SPIRE1: variants seen among roughly 807,000 people sequenced by gnomAD.
SPIRE1 encodes spire type actin nucleation factor 1.
SPIRE1 carries 40 observed loss-of-function variants against 94.1 expected under a neutral mutation model. The ratio of observed to expected loss-of-function variants is 0.43; its 90% confidence interval spans 0.33 to 0.55. The LOEUF is 0.55. SPIRE1 is among the 20% of genes least tolerant of loss of function. The pLI is 0.06. For missense variants in SPIRE1, 838 were observed against 975.2 expected, an observed-to-expected ratio of 0.86 and a Z score of 1.87; for synonymous variants, 376 against 371.7, an observed-to-expected ratio of 1.01 and a Z score of -0.13.
chr18:12,566,031 CAAACAAAA>C (rs1350036486), intron 2 of SPIRE1, among the ~76,000 whole-genome samples: 5 of 145,716 alleles, frequency 3.4e-5, no homozygotes, highest in African/African-American at 1.3e-4. Flanking sequence ...AACAAACAAA[CAAACAAAA>C]AAAAAAATTC....
chr18:12,527,716 A>G (rs889202072), intron 4 of SPIRE1, among the ~76,000 whole-genome samples: 4 of 152,094 alleles, frequency 2.6e-5, no homozygotes, highest in African/African-American at 4.8e-5. Context: ...CTGGCTCCTG[A>G]TAACTCCATA....
At chr18:12,490,610 C>A (rs565490024) in intron 8 of SPIRE1, among the ~76,000 whole-genome samples, 1 of 152,130 alleles carries the variant, frequency 6.6e-6, no homozygotes, top group Admixed American at 6.5e-5. Flanking sequence ...GGGATTCATC[C>A]CTGGGATGCA....
chr18:12,583,648 G>A (rs2036314889), intron 2 of SPIRE1, among the ~76,000 whole-genome samples: 1 of 151,818 alleles, frequency 6.6e-6, no homozygotes, highest in Admixed American at 6.6e-5. Context: ...AAAAGGCCAG[G>A]CCAGGTAGCT....
intron 10 of SPIRE1, among the ~76,000 whole-genome samples, chr18:12,472,955 G>A (rs574933556): frequency 6.6e-6 from 1 of 152,156 alleles, no homozygotes; most frequent in South Asian, 2.1e-4. Flanking sequence ...ACAAAGCCTG[G>A]CTATTTTTTT....
At chr18:12,463,929 C>T (rs901315148) in intron 11 of SPIRE1, among the ~76,000 whole-genome samples, 1 of 152,150 alleles carries the variant, frequency 6.6e-6, no homozygotes, top group African/African-American at 2.4e-5. Context: ...CCTTCTCTGC[C>T]TAGTAATATT....
At chr18:12,453,450 A>G (rs897908725) in intron 13 of SPIRE1, among the ~76,000 whole-genome samples, 1 of 58,146 alleles carries the variant, frequency 1.7e-5, no homozygotes, top group Non-Finnish European at 3.7e-5. Flanking sequence ...TTTTTTTTTT[A>G]TGAGATGGAG....
chr18:12,474,839 C>T (rs1302464879), intron 10 of SPIRE1, among the ~76,000 whole-genome samples: 1 of 152,054 alleles, frequency 6.6e-6, no homozygotes, highest in Non-Finnish European at 1.5e-5. Context: ...CCCAAAAAAC[C>T]ATGTTTGGAA....
chr18:12,548,456 C>T (rs919667035), intron 2 of SPIRE1, among the ~76,000 whole-genome samples: 3 of 152,182 alleles, frequency 2.0e-5, no homozygotes, highest in Non-Finnish European at 4.4e-5. Flanking sequence ...ATTTTCTCAA[C>T]ACTAGCATTC....
chr18:12,545,241 T>TTA (rs1239003698), intron 3 of SPIRE1, among the ~76,000 whole-genome samples: 1 of 152,218 alleles, frequency 6.6e-6, no homozygotes, highest in Non-Finnish European at 1.5e-5. Context: ...GTTTGTGTAT[T>TTA]TATATATATG....
chr18:12,563,371 C>A (rs2035740819), intron 2 of SPIRE1, among the ~76,000 whole-genome samples: 1 of 151,756 alleles, frequency 6.6e-6, no homozygotes, highest in Non-Finnish European at 1.5e-5. Context: ...AGTGCATTGG[C>A]CCTTCATAGG....
chr18:12,598,821 G>A (rs2036752497), intron 2 of SPIRE1, among the ~76,000 whole-genome samples: 1 of 152,162 alleles, frequency 6.6e-6, no homozygotes, highest in Non-Finnish European at 1.5e-5. Flanking sequence ...TCTAAATAAA[G>A]CCAACTCTGA....
intron 6 of SPIRE1, among the ~76,000 whole-genome samples, chr18:12,496,462 A>G (rs2033460852): frequency 6.6e-6 from 1 of 152,194 alleles, no homozygotes; most frequent in African/African-American, 2.4e-5. Context: ...GGCCGGGAGC[A>G]GTGGCTCACG....
At chr18:12,474,092 G>C (rs141026887) in intron 10 of SPIRE1, among the ~76,000 whole-genome samples, 142 of 152,342 alleles carry the variant, frequency 9.3e-4, no homozygotes, top group African/African-American at 3.3e-3. Flanking sequence ...TTGCTAGAAT[G>C]AGTCCTGATA....
chr18:12,552,282 GTACATGACC>G (rs1450676881), intron 2 of SPIRE1, among the ~76,000 whole-genome samples: 1 of 152,166 alleles, frequency 6.6e-6, no homozygotes, highest in Non-Finnish European at 1.5e-5. Context: ...GACTTGTGGG[GTACATGACC>G]TACTGAGACA....
Position 12,463,377 on chromosome 18 carries a change from GCGGCAGGAACTGCCTCACGTTAGT to G in SPIRE1, c.1588_1611del (p.Thr530_Pro537del). The G allele has an allele frequency of 6.2e-7, 1 of 1,613,680 alleles. No individual in the cohort carries two copies. The highest frequency in any genetic ancestry group is 8.5e-7 in the Non-Finnish European group (1 of 1,179,768). Reference sequence around the variant, plus strand: ...AGAGAGCGGGAACTCTGCCTGGAAGGCGGCAGGAACTGCCTCACGTTAGTAGGCGTTTCCTTTTCAATGGAATGT... The same window carrying G: ...AGAGAGCGGGAACTCTGCCTGGAAGGAGGCGTTTCCTTTTCAATGGAATGT... On this transcript the variant is annotated inframe_deletion, in exon 12 of 17. Coordinates refer to ENST00000409402, the MANE Select transcript of SPIRE1 (RefSeq NM_001128626.2).
At chr18:12,657,191 G>A (rs1012790802) in intron 1 of SPIRE1, among the ~76,000 whole-genome samples, 1 of 152,216 alleles carries the variant, frequency 6.6e-6, no homozygotes, top group Non-Finnish European at 1.5e-5. Context: ...GCCCGGAGCA[G>A]GGCCCAGCCC....
At chr18:12,456,794 A>G (rs1443234105) in intron 12 of SPIRE1, among the ~76,000 whole-genome samples, 2 of 152,288 alleles carry the variant, frequency 1.3e-5, no homozygotes, top group Admixed American at 1.3e-4. Flanking sequence ...TTTTCAACTC[A>G]CTGCTTTGAC....
chr18:12,622,421 C>CTTCTT (rs2037498545), intron 2 of SPIRE1, among the ~76,000 whole-genome samples: 1 of 114,810 alleles, frequency 8.7e-6, no homozygotes, highest in South Asian at 3.3e-4. Context: ...TATGTCCAGT[C>CTTCTT]TTTTTTTTTT....
intron 4 of SPIRE1, among the ~76,000 whole-genome samples, chr18:12,513,019 C>T (rs1567902165): frequency 6.6e-6 from 1 of 151,976 alleles, no homozygotes; most frequent in Non-Finnish European, 1.5e-5. Flanking sequence ...AGTCAAAATC[C>T]TCCTATTTTA....
Sources: allele counts gnomAD v4.1 joint callset (sites outside exome capture counted in the v4.1 genomes callset), GRCh38; gene constraint gnomAD v4.1.1; transcripts MANE v1.5; gene names NCBI Gene and HGNC (gene_info 2026-07-23, HGNC 2026-07-21).